Variants in ATP10A observed in about 807,000 individuals in gnomAD.
ATP10A encodes ATPase phospholipid transporting 10A (putative).
In ATP10A, 111 loss-of-function variants were observed where a neutral mutation model predicts 147.8. That is an observed-to-expected ratio of 0.75 (90% CI 0.64 to 0.88). ATP10A has a LOEUF of 0.88. Ranked by LOEUF, ATP10A falls within the 40% of genes least tolerant of loss-of-function variation. ATP10A has a pLI of 0.00. For missense variants in ATP10A, 1,927 were observed against 1,959.0 expected (o/e 0.98, Z 0.31); for synonymous variants, 875 against 841.6 (o/e 1.04, Z -0.69).
chr15:25,816,730 AT>A (rs1471103392), intron 1 of ATP10A, among the ~76,000 whole-genome samples: 1 of 152,130 alleles, frequency 6.6e-6, no homozygotes, highest in Non-Finnish European at 1.5e-5. Flanking sequence ...AGAAAACATA[AT>A]TTTTTTGTCT....
At chr15:25,751,394 A>G (rs554754685) in intron 2 of ATP10A, among the ~76,000 whole-genome samples, 3 of 152,270 alleles carry the variant, frequency 2.0e-5, no homozygotes, top group African/African-American at 7.2e-5. Flanking sequence ...GAAGACTTGA[A>G]TAACATCATC....
At chr15:25,755,907 T>G (rs1888382218) in intron 2 of ATP10A, among the ~76,000 whole-genome samples, 1 of 152,230 alleles carries the variant, frequency 6.6e-6, no homozygotes, top group African/African-American at 2.4e-5. Flanking sequence ...AAATCTCCAT[T>G]TGTAAGCGTG....
intron 13 of ATP10A, among the ~76,000 whole-genome samples, chr15:25,697,808 C>T (rs914749115): frequency 6.6e-6 from 1 of 152,164 alleles, no homozygotes; most frequent in African/African-American, 2.4e-5. Context: ...GAAAGGTCAA[C>T]CCCAACAGTG....
intron 2 of ATP10A, among the ~76,000 whole-genome samples, chr15:25,779,667 G>A (rs961125532): frequency 1.3e-5 from 2 of 152,176 alleles, no homozygotes; most frequent in African/African-American, 4.8e-5. Context: ...GAAGCTGGGC[G>A]CCGCCAGGCT....
Position 25,679,850 on chromosome 15 carries a change from G to A in ATP10A, c.3991C>T (p.Pro1331Ser). 3 of 1,610,830 alleles carry A rather than the reference G, an allele frequency of 1.9e-6. No individual in the cohort carries two copies. Among genetic ancestry groups the A allele is most frequent in the East Asian group, 2.2e-5 (1 of 44,862 alleles). Reference sequence around the variant, plus strand: ...GAGTGCTCGGTTCCCGAGTCCTTCGGGAGGCGTCCCTGAGCAAAGGTCTCT... The same window carrying A: ...GAGTGCTCGGTTCCCGAGTCCTTCGAGAGGCGTCCCTGAGCAAAGGTCTCT... ...PKETFAQGRL[P>S]KDSGTEHSSG... The change falls in exon 21 of 21, where the codon CCG (proline) becomes TCG (serine). Residue 1331 changes from proline to serine, a missense_variant. Pro to Ser is a moderately conservative substitution (Grantham distance 74). Coordinates refer to ENST00000555815, the MANE Select transcript of ATP10A (RefSeq NM_024490.4).
At chr15:25,774,582 G>GAAAAAAAAAAAAAAAAAAAA (rs201795381) in intron 2 of ATP10A, among the ~76,000 whole-genome samples, 1 of 141,804 alleles carries the variant, frequency 7.1e-6, no homozygotes, top group Non-Finnish European at 1.5e-5. Context: ...GTCTCAAAAA[G>GAAAAAAAAAAAAAAAAAAAA]AAAAAAAAAA....
Position 25,702,021 on chromosome 15 carries a change from A to G in ATP10A, c.2655T>C (p.Ile885=). The stretch of plus-strand genomic sequence containing the variant: ...CTTGTTTGTCACCAGTGAGAACCCA[A>G]ATCTGCAGGCCCGCTTGACGCAATT... The part of the protein sequence containing the change: ...ISKLRQAGLQ[I]WVLTGDKQET... Residue 885 remains isoleucine, a synonymous_variant, in exon 13 of 21, where the codon ATT becomes ATC. Transcript: ENST00000555815. The G allele has an allele frequency of 4.3e-6, 7 of 1,614,190 alleles. No individual in the cohort carries two copies. The highest frequency in any genetic ancestry group is 5.1e-6 in the Non-Finnish European group (6 of 1,180,024).
chr15:25,839,426 C>T (rs1460813335), intron 1 of ATP10A, among the ~76,000 whole-genome samples: 1 of 152,190 alleles, frequency 6.6e-6, no homozygotes, highest in Non-Finnish European at 1.5e-5. Context: ...CCCACTCTCC[C>T]TCAAGTTACT....
intron 15 of ATP10A, among the ~76,000 whole-genome samples, chr15:25,688,461 T>C (rs1403193494): frequency 6.6e-6 from 1 of 152,194 alleles, no homozygotes; most frequent in Admixed American, 6.5e-5. Flanking sequence ...CCATGGAAGC[T>C]TCCCCTGCAT....
chr15:25,738,674 C>T (rs1887419977), intron 2 of ATP10A: 1 of 152,278 alleles, frequency 6.6e-6, no homozygotes, highest in Admixed American at 6.5e-5. Flanking sequence ...TGAACATAGA[C>T]CAGAAATCTG....
downstream of ATP10A, among the ~76,000 whole-genome samples, chr15:25,676,270 G>A (rs7163317): frequency 0.014 from 2,064 of 152,260 alleles, 51 homozygotes; most frequent in African/African-American, 0.047. Flanking sequence ...AATGAGTCAG[G>A]GAGCCGGGAC....
At chr15:25,829,285 T>C (rs1892253062) in intron 1 of ATP10A, among the ~76,000 whole-genome samples, 1 of 152,134 alleles carries the variant, frequency 6.6e-6, no homozygotes, top group African/African-American at 2.4e-5. Context: ...TGATGTCACC[T>C]CACAGCACCC....
chr15:25,785,131 C>G (rs1022251878), intron 1 of ATP10A, among the ~76,000 whole-genome samples: 3 of 152,054 alleles, frequency 2.0e-5, no homozygotes, highest in Non-Finnish European at 2.9e-5. Context: ...GGAGCCTGGG[C>G]CCACATCAAC....
rs1900244066 is a variant in ATP10A, at chr15:25,695,039, AGAG to A, written c.2865_2867del (p.Ser956del). 6.8e-6 allele frequency: 11 copies of A among 1,614,142 alleles called. No homozygotes were observed. In the African/African-American group the frequency reaches 1.1e-4, roughly 16 times the overall value. ...CAGTGGACGTGGAGGGTGGGCAGAG[AGAG>A]GAGAACCTCATGCTCACTTTGCCCT... On this transcript the variant is annotated inframe_deletion, in exon 14 of 21. Coordinates refer to ENST00000555815, the MANE Select transcript of ATP10A (RefSeq NM_024490.4).
chr15:25,687,859 T>C lies in ATP10A; in HGVS notation c.3166-31A>G, dbSNP rs778007155. Reference sequence around the variant, plus strand: ...AAGGGAGAGGGATTCCTGTTACTGGTGATGCCGACCTGGCGTCAGATTTGT... The same window carrying C: ...AAGGGAGAGGGATTCCTGTTACTGGCGATGCCGACCTGGCGTCAGATTTGT... On this transcript the variant is annotated intron_variant, in intron 15 of 20. Coordinates refer to ENST00000555815, the MANE Select transcript of ATP10A (RefSeq NM_024490.4). 1.2e-5 allele frequency: 19 copies of C among 1,613,688 alleles called. No homozygotes were observed. In the South Asian group the frequency reaches 2.1e-4, roughly 18 times the overall value.
At chr15:25,680,406 G>C in intron 19 of ATP10A, 98 bp from the exon 20 acceptor site, 13 of 1,296,022 alleles carry the variant, frequency 1.0e-5, no homozygotes, top group Non-Finnish European at 1.2e-5. Flanking sequence ...GCAGGTGTGA[G>C]GTTCTGAGGC....
chr15:25,719,324 T>C (rs1203936593), intron 7 of ATP10A, among the ~76,000 whole-genome samples: 1 of 151,904 alleles, frequency 6.6e-6, no homozygotes, highest in East Asian at 1.9e-4. Context: ...AAAATGGGGA[T>C]AAAAAAGGGG....
At chr15:25,734,304 G>C (rs912192384) in intron 3 of ATP10A, among the ~76,000 whole-genome samples, 2 of 152,232 alleles carry the variant, frequency 1.3e-5, no homozygotes, top group African/African-American at 4.8e-5. Context: ...CAAGGACAAT[G>C]AGCTAGGAGT....
At chr15:25,843,251 T>A (rs1031337247) in intron 1 of ATP10A, among the ~76,000 whole-genome samples, 1 of 104,780 alleles carries the variant, frequency 9.5e-6, no homozygotes, top group Admixed American at 1.4e-4. Context: ...CGTCCCGGGG[T>A]GTGATCTCGG....
Sources: gnomAD v4.1 joint callset for allele counts (sites outside exome capture counted in the v4.1 genomes callset) on GRCh38, gnomAD v4.1.1 for gene constraint, MANE v1.5 for transcripts, NCBI Gene and HGNC (gene_info 2026-07-23, HGNC 2026-07-21) for gene names.